Variants in SMG1 observed in about 807,000 individuals in gnomAD.
SMG1 encodes the protein serine/threonine-protein kinase SMG1.
SMG1 carries 22 observed loss-of-function variants against 419.9 expected under a neutral mutation model. The observed-to-expected ratio is 0.05, with a 90% confidence interval of 0.04 to 0.07. The LOEUF is 0.07. Ranked by LOEUF, SMG1 falls within the 10% of genes least tolerant of loss-of-function variation. The pLI is 1.00. For synonymous variants in SMG1, 1,538 were observed against 1,553.5 expected (o/e 0.99, Z 0.23); for missense variants, 3,185 against 4,342.0 (o/e 0.73, Z 7.49).
chr16:18,807,926 A>G lies in SMG1; in HGVS notation c.*1643T>C, dbSNP rs960107730. ...AGGCGCCCGCCACCACGCCCGGCTA[A>G]TTTTTTTTGTATTTTTAGTAAAGAC... On this transcript the variant is annotated 3_prime_UTR_variant, in exon 63 of 63. Transcript: ENST00000446231. The G allele has an allele frequency of 4.6e-5, 7 of 151,854 alleles. No individual in the cohort carries two copies. The highest frequency in any genetic ancestry group is 1.7e-4 in the African/African-American group (7 of 41,286). 9.4% of individuals were successfully genotyped at this position (151,854 alleles called of 1,614,324 possible).
intron 11 of SMG1, 66 bp from the exon 12 acceptor site, chr16:18,877,298 A>C: frequency 8.6e-7 from 1 of 1,157,244 alleles, no homozygotes; most frequent in African/African-American, 1.5e-5. Context: ...GAAACCTTAA[A>C]TGCACACTGA....
intron 39 of SMG1, 149 bp downstream of exon 39, chr16:18,845,280 T>C (rs1283847543): frequency 4.7e-6 from 3 of 634,260 alleles, no homozygotes; most frequent in South Asian, 5.2e-5. Flanking sequence ...CTTTTTTCTA[T>C]GTTCCTTATA....
chr16:18,893,168 T>A (rs1596611821), intron 3 of SMG1, among the ~76,000 whole-genome samples: 1 of 152,356 alleles, frequency 6.6e-6, no homozygotes, highest in East Asian at 1.9e-4. Context: ...GGATGAAGTT[T>A]TCACACATTT....
intron 12 of SMG1, 34 bp downstream of exon 12, chr16:18,877,097 A>G: frequency 6.8e-7 from 1 of 1,474,100 alleles, no homozygotes; most frequent in Non-Finnish European, 9.2e-7. Flanking sequence ...CAGTGACTCA[A>G]GTTGTCAAAA....
At chr16:18,865,952 G>A (rs189355760) in intron 23 of SMG1, among the ~76,000 whole-genome samples, 3 of 152,118 alleles carry the variant, frequency 2.0e-5, no homozygotes, top group South Asian at 2.1e-4. Context: ...GTAAGCCACC[G>A]AACCCAGCCT....
chr16:18,882,821 T>C (rs1030672426), intron 9 of SMG1, among the ~76,000 whole-genome samples: 23 of 152,124 alleles, frequency 1.5e-4, no homozygotes, highest in African/African-American at 4.8e-4. Flanking sequence ...GTACGATATA[T>C]GAAAAGGACA....
At chr16:18,874,375 G>C (rs929186496) in intron 13 of SMG1, among the ~76,000 whole-genome samples, 18 of 151,694 alleles carry the variant, frequency 1.2e-4, no homozygotes, top group Admixed American at 3.3e-4. Flanking sequence ...CTGACCACAA[G>C]TGATCAGCCC....
chr16:18,814,432 G>A (rs912865141), intron 60 of SMG1, among the ~76,000 whole-genome samples: 1 of 151,782 alleles, frequency 6.6e-6, no homozygotes, highest in East Asian at 1.9e-4. Flanking sequence ...CTGGGGGGTG[G>A]AGGTTACAGT....
rs756261490 is a variant in SMG1, at chr16:18,849,265, G to T, written c.5575C>A (p.Pro1859Thr). The T allele has an allele frequency of 1.2e-6, 2 of 1,613,272 alleles. No homozygotes were observed. The highest frequency in any genetic ancestry group is 1.7e-6 in the Non-Finnish European group (2 of 1,179,434). ...AGCGATATGGTACCCACTATTGCAGGATACAATATGAGATGTGGGGAATCT... is the reference window on the plus strand; with the variant it reads ...AGCGATATGGTACCCACTATTGCAGTATACAATATGAGATGTGGGGAATCT... ...AQDSPHLILY[P>T]AIVGTISLSS... The change falls in exon 36 of 63, where the codon CCT becomes ACT. Residue 1859 changes from proline to threonine, a missense_variant. Pro to Thr is a conservative substitution (Grantham distance 38). Coordinates refer to ENST00000446231, the MANE Select transcript of SMG1 (RefSeq NM_015092.5).
Position 18,812,019 on chromosome 16 carries a change from G to C in SMG1, c.10730C>G (p.Thr3577Ser), listed in dbSNP as rs777074977. ...LATSADTPPS[T>S]VPGTGKSVAC... is the part of the protein sequence containing the mutation. ...AACACTCTTGCCAGTTCCTGGAACG[G>C]TGCTTGGTGGAGTATCAGCTGATGT... The change falls in exon 61 of 63, where the codon ACC becomes AGC. Residue 3577 changes from threonine to serine, a missense_variant. Around this residue, in one of 27 missense-constraint regions of SMG1, gnomAD observed 737 missense variants for 846.6 expected, o/e 0.87. Coordinates refer to ENST00000446231, the MANE Select transcript of SMG1 (RefSeq NM_015092.5). The C allele has an allele frequency of 6.2e-7, 1 of 1,613,992 alleles. No individual in the cohort carries two copies. The highest frequency in any genetic ancestry group is 1.7e-5 in the Admixed American group (1 of 60,026).
At position 18,852,388 on chromosome 16, in the gene SMG1, C is replaced by T; in HGVS notation, c.4843G>A (p.Val1615Ile). The change falls in exon 32 of 63, where the codon GTA becomes ATA. Residue 1615 changes from valine (V) to isoleucine (I), a missense_variant. This residue lies in a region of SMG1 where 493 missense variants were observed against 552.9 expected (regional missense o/e 0.89). Coordinates refer to ENST00000446231, the MANE Select transcript of SMG1 (RefSeq NM_015092.5). ...YHLSSVQAPE[V>I]AKSWAALASW... Reference sequence around the variant, plus strand: ...GCCAACGCTGCCCAAGATTTGGCTACTTCAGGTGCCTGTACTGAAGACAGG... The same window carrying T: ...GCCAACGCTGCCCAAGATTTGGCTATTTCAGGTGCCTGTACTGAAGACAGG... The T allele has an allele frequency of 6.2e-7, 1 of 1,613,882 alleles. No individual in the cohort carries two copies. Among genetic ancestry groups the T allele is most frequent in the South Asian group, 1.1e-5 (1 of 91,072 alleles).
At position 18,876,253 on chromosome 16, in the gene SMG1, C is replaced by T. The variant is rs1269859563; in HGVS notation, c.1761G>A (p.Glu587=). ...CCTCATGTTTTATTTCAGAACAGGC[C>T]TCAGGAAGTTGTAGACTGTGTAGGA... ...NNLLHSLQLP[E]ACSEIKHEAF... The change falls in exon 13 of 63, where the codon GAG becomes GAA. Residue 587 remains glutamate (E), a synonymous_variant. Coordinates refer to ENST00000446231, the MANE Select transcript of SMG1 (RefSeq NM_015092.5). 3 of 1,611,698 alleles carry T rather than the reference C, an allele frequency of 1.9e-6. No individual in the cohort carries two copies. The East Asian group carries it at 6.7e-5, about 36-fold the overall frequency.
Position 18,830,034 on chromosome 16 carries a change from C to CA in SMG1, c.9024dup (p.Asp3009Ter). The CA allele has an allele frequency of 6.3e-7, 1 of 1,598,934 alleles. No homozygotes were observed. The highest frequency in any genetic ancestry group is 8.5e-7 in the Non-Finnish European group (1 of 1,171,850). ...AGCACCTGCCGGTGATTATCATCAT[C>CA]AAAAAAATTAACTTGAGTACTCCTG... is the stretch of plus-strand genomic sequence containing the variant. On this transcript the variant is annotated frameshift_variant, in exon 53 of 63. Coordinates refer to ENST00000446231, the MANE Select transcript of SMG1 (RefSeq NM_015092.5). LOFTEE classifies it high-confidence loss of function.
In SMG1 at chr16:18,872,165, A is replaced by G. The variant is rs1472364039; in HGVS notation, c.2183+19T>C. On this transcript the variant is annotated intron_variant, in intron 15 of 62. Coordinates refer to ENST00000446231, the MANE Select transcript of SMG1 (RefSeq NM_015092.5). Reference sequence around the variant, plus strand: ...ATTAACAAAGTTAGGAATAGTTAATACTATATAATATCTGTTACCTCGTGT... The same window carrying G: ...ATTAACAAAGTTAGGAATAGTTAATGCTATATAATATCTGTTACCTCGTGT... 1.5e-6 allele frequency: 2 copies of G among 1,328,140 alleles called. No individual in the cohort carries two copies. The highest frequency in any genetic ancestry group is 2.1e-6 in the Non-Finnish European group (2 of 959,124). 82.3% of individuals were successfully genotyped at this position (1,328,140 alleles called of 1,614,324 possible). A position where few individuals can be genotyped will look rare whatever the true frequency, so the allele number is the denominator to read the frequency against.
chr16:18,877,545 C>G (rs1481673688), intron 11 of SMG1: 1 of 202,454 alleles, frequency 4.9e-6, no homozygotes, highest in Non-Finnish European at 1.0e-5. Flanking sequence ...TGTCATTACA[C>G]ATGTTAAAGT....
At chr16:18,895,852 T>C (rs2037101082) in intron 3 of SMG1, among the ~76,000 whole-genome samples, 200 bp downstream of exon 3, 2 of 152,330 alleles carry the variant, frequency 1.3e-5, no homozygotes, top group East Asian at 1.9e-4. Flanking sequence ...TATCCAGTCT[T>C]CTAATCTTGT....
At chr16:18,917,221 C>T (rs1022036560) in intron 1 of SMG1, among the ~76,000 whole-genome samples, 3 of 152,022 alleles carry the variant, frequency 2.0e-5, no homozygotes, top group Non-Finnish European at 4.4e-5. Flanking sequence ...GGCCCGATCT[C>T]GGCTCACCAC....
rs1331003146 is a variant in SMG1, at chr16:18,870,663, A to G, written c.2439T>C (p.Ile813=). ...TCAACAGTTTTCCAAATGCTTGTCG[A>G]ATACGAGTTCCACTGTGCACTAGTT... ...RVQLVHSGTR[I]RQAFGKLLKS... Residue 813 remains isoleucine (I), a synonymous_variant, in exon 18 of 63, where the codon ATT becomes ATC. Coordinates refer to ENST00000446231, the MANE Select transcript of SMG1 (RefSeq NM_015092.5). 3 of 1,608,558 alleles carry G rather than the reference A, an allele frequency of 1.9e-6. No individual in the cohort carries two copies. Among genetic ancestry groups the G allele is most frequent in the African/African-American group, 1.3e-5 (1 of 74,846 alleles).
intron 13 of SMG1, among the ~76,000 whole-genome samples, chr16:18,874,732 G>C (rs185770643): frequency 2.3e-4 from 35 of 150,806 alleles, no homozygotes; most frequent in Non-Finnish European, 4.1e-4. Context: ...CCGTCGTAGT[G>C]GTAGGTGTCT....
Sources: gnomAD v4.1 joint callset for allele counts (sites outside exome capture counted in the v4.1 genomes callset) on GRCh38, gnomAD v4.1.1 for gene constraint, gnomAD v4.1.1 regional missense constraint, MANE v1.5 for transcripts, NCBI Gene and HGNC (gene_info 2026-07-23, HGNC 2026-07-21) for gene names.